The following CDH8 variants were observed in gnomAD, a reference collection of about 807,000 sequenced individuals.
CDH8 encodes cadherin-8.
A neutral mutation model predicts 68.1 loss-of-function variants in CDH8; 17 were observed. The observed-to-expected ratio is 0.25, with a 90% CI of 0.17 to 0.37. The LOEUF is 0.37. Ranked by LOEUF, CDH8 falls within the 10% of genes least tolerant of loss-of-function variation. The pLI is 1.00. For missense variants in CDH8, 763 were observed against 999.3 expected, an observed-to-expected ratio of 0.76 and a Z score of 3.19; for synonymous variants, 372 against 365.1, an observed-to-expected ratio of 1.02 and a Z score of -0.21.
At chr16:61,932,074 G>C (rs1301798192) in intron 2 of CDH8, among the ~76,000 whole-genome samples, 1 of 151,998 alleles carries the variant, frequency 6.6e-6, no homozygotes, top group Non-Finnish European at 1.5e-5. Context: ...GGGCGTGGTG[G>C]TGGGCGCCTG....
intron 2 of CDH8, among the ~76,000 whole-genome samples, chr16:61,997,460 T>C (rs1597116491): frequency 6.6e-6 from 1 of 152,184 alleles, no homozygotes; most frequent in African/African-American, 2.4e-5. Flanking sequence ...GAAATGATCA[T>C]GGACTTCCTT....
At chr16:61,841,495 C>G (rs755706705) in intron 4 of CDH8, among the ~76,000 whole-genome samples, 2 of 151,970 alleles carry the variant, frequency 1.3e-5, no homozygotes, top group African/African-American at 4.8e-5. Context: ...AACTCATGAA[C>G]ATAATGGTTA....
At chr16:61,949,495 C>T (rs1964855065) in intron 2 of CDH8, among the ~76,000 whole-genome samples, 1 of 152,024 alleles carries the variant, frequency 6.6e-6, no homozygotes, top group African/African-American at 2.4e-5. Context: ...TTTGTTCTTT[C>T]ACTCTTCACA....
intron 2 of CDH8, among the ~76,000 whole-genome samples, chr16:61,914,377 T>C (rs559924239): frequency 1.3e-5 from 2 of 152,316 alleles, no homozygotes; most frequent in East Asian, 3.9e-4. Context: ...TGCATAGATA[T>C]GATTCTAGGT....
intron 5 of CDH8, among the ~76,000 whole-genome samples, chr16:61,822,232 T>TTTTTTTTTTTTTTC (rs1962232799): frequency 7.9e-6 from 1 of 127,364 alleles, no homozygotes; most frequent in African/African-American, 3.0e-5. Context: ...TTTTTTTTTT[T>TTTTTTTTTTTTTTC]TTTTTTTTTT....
chr16:61,763,335 G>A (rs967219969), intron 8 of CDH8, among the ~76,000 whole-genome samples: 2 of 152,140 alleles, frequency 1.3e-5, no homozygotes, highest in African/African-American at 4.8e-5. Context: ...CCATATTACT[G>A]TCTGAACACT....
At chr16:61,876,970 G>T (rs1173321904) in intron 3 of CDH8, among the ~76,000 whole-genome samples, 1 of 152,072 alleles carries the variant, frequency 6.6e-6, no homozygotes, top group African/African-American at 2.4e-5. Flanking sequence ...CCATCATGGA[G>T]AACCAATTGG....
At chr16:61,779,432 TG>T (rs1960986820) in intron 8 of CDH8, among the ~76,000 whole-genome samples, 1 of 144,218 alleles carries the variant, frequency 6.9e-6, no homozygotes, top group African/African-American at 2.5e-5. Context: ...TTTATGTGTG[TG>T]TGTGTGTGTG....
chr16:61,855,947 C>T (rs1452895387), intron 4 of CDH8, among the ~76,000 whole-genome samples: 1 of 151,970 alleles, frequency 6.6e-6, no homozygotes, highest in South Asian at 2.1e-4. Context: ...TAATTATACC[C>T]CTAATTAATG....
At chr16:61,765,499 C>G (rs763819656) in intron 8 of CDH8, among the ~76,000 whole-genome samples, 6 of 152,028 alleles carry the variant, frequency 3.9e-5, no homozygotes, top group Non-Finnish European at 5.9e-5. Flanking sequence ...GGTAAAATGC[C>G]AGTTGATTTA....
At chr16:62,000,062 T>G (rs944747675) in intron 2 of CDH8, among the ~76,000 whole-genome samples, 1 of 151,958 alleles carries the variant, frequency 6.6e-6, no homozygotes, top group Non-Finnish European at 1.5e-5. Context: ...ACATGTGGTG[T>G]TTGGTTTTCT....
chr16:61,677,309 A>C (rs1963932678), intron 10 of CDH8, among the ~76,000 whole-genome samples: 1 of 150,972 alleles, frequency 6.6e-6, no homozygotes, highest in Admixed American at 6.7e-5. Context: ...GAGGAAGATA[A>C]AATACTGCTG....
At chr16:61,872,652 G>C (rs1963390012) in intron 3 of CDH8, among the ~76,000 whole-genome samples, 1 of 152,148 alleles carries the variant, frequency 6.6e-6, no homozygotes, top group Non-Finnish European at 1.5e-5. Flanking sequence ...TTCCAAAAGG[G>C]AGGAGGGCAT....
At chr16:61,832,826 T>C (rs536468930) in intron 4 of CDH8, among the ~76,000 whole-genome samples, 114 of 151,862 alleles carry the variant, frequency 7.5e-4, no homozygotes, top group African/African-American at 2.7e-3. Context: ...TTAATATTAT[T>C]TTGAATTATA....
At chr16:61,740,015 C>A (rs1959821696) in intron 8 of CDH8, among the ~76,000 whole-genome samples, 2 of 150,608 alleles carry the variant, frequency 1.3e-5, no homozygotes, top group Non-Finnish European at 2.9e-5. Flanking sequence ...TCAAGTGATT[C>A]TCCCGCCTCA....
intron 3 of CDH8, among the ~76,000 whole-genome samples, chr16:61,870,232 T>A (rs1877256578): frequency 6.6e-6 from 1 of 152,212 alleles, no homozygotes. Context: ...AGACAGGGCA[T>A]GCTGATGAGA....
At chr16:61,815,929 T>A (rs1261663498) in intron 7 of CDH8, among the ~76,000 whole-genome samples, 2 of 152,148 alleles carry the variant, frequency 1.3e-5, no homozygotes, top group Non-Finnish European at 2.9e-5. Context: ...ATAATTTCAC[T>A]ATATTTTCCG....
At chr16:61,783,771 G>C (rs2142992973) in intron 8 of CDH8, among the ~76,000 whole-genome samples, 1 of 151,984 alleles carries the variant, frequency 6.6e-6, no homozygotes, top group Non-Finnish European at 1.5e-5. Flanking sequence ...GAAGAGAGTG[G>C]GGCCAATATT....
intron 8 of CDH8, among the ~76,000 whole-genome samples, chr16:61,765,885 T>C (rs568488879): frequency 1.1e-4 from 16 of 152,064 alleles, no homozygotes; most frequent in South Asian, 2.1e-4. Context: ...TCTATTGATA[T>C]AGAAAGAAAG....
Sources: allele counts gnomAD v4.1 joint callset (sites outside exome capture counted in the v4.1 genomes callset), GRCh38; gene constraint gnomAD v4.1.1; transcripts MANE v1.5; gene names NCBI Gene and HGNC (gene_info 2026-07-23, HGNC 2026-07-21).